The following AARSD1 variants were observed in gnomAD, a reference collection of about 807,000 sequenced individuals.
AARSD1 encodes the protein alanyl-tRNA synthetase domain containing 1.
A neutral mutation model predicts 48.7 loss-of-function variants in AARSD1; 44 were observed. The observed-to-expected ratio is 0.90, with a 90% CI of 0.71 to 1.16. AARSD1 has a LOEUF of 1.16. Ranked by LOEUF, AARSD1 falls within the 50% of genes most tolerant of loss-of-function variation. The probability of loss-of-function intolerance (pLI) is 0.00; values close to 1 mark genes in which losing one functional copy is unlikely to be tolerated. For missense variants in AARSD1, 511 were observed against 523.1 expected (o/e 0.98, Z 0.23); for synonymous variants, 189 against 194.9 (o/e 0.97, Z 0.25).
Position 42,951,860 on chromosome 17 carries a change from T to TTC in AARSD1, c.1041_1042dup (p.Lys348ArgfsTer45), listed in dbSNP as rs1350270839. 1 of 1,614,024 alleles carries TTC rather than the reference T, an allele frequency of 6.2e-7. No homozygotes were observed. The highest frequency in any genetic ancestry group is 1.3e-5 in the African/African-American group (1 of 74,924). ...TGCCAGTAAGAAGAGTCCACCACCT[T>TTC]TCTCATCGCCCACAGTTAAGAACAG... On this transcript the variant is annotated frameshift_variant, in exon 11 of 12. Transcript: ENST00000427569. LOFTEE classifies it high-confidence loss of function.
intron 2 of AARSD1, 63 bp downstream of exon 2, chr17:42,964,043 G>T: frequency 6.2e-7 from 1 of 1,605,570 alleles, no homozygotes; most frequent in Admixed American, 1.7e-5. Context: ...AAAGGGGCAG[G>T]AGAGCATTTC....
intron 6 of AARSD1, 98 bp from the exon 7 acceptor site, chr17:42,956,070 C>T (rs2049546221): frequency 1.9e-6 from 3 of 1,609,554 alleles, no homozygotes; most frequent in African/African-American, 1.3e-5. Flanking sequence ...CTATCTGTTC[C>T]TCAGCTCTGA....
At chr17:42,952,008 G>C (rs2049486492) in intron 10 of AARSD1, 114 bp from the exon 11 acceptor site, 1 of 1,210,844 alleles carries the variant, frequency 8.3e-7, no homozygotes, top group African/African-American at 1.5e-5. Flanking sequence ...AAACCACCAA[G>C]TGACGCTCCT....
rs148807694 is a variant in AARSD1 at position 42,963,501 on chromosome 17, T to C, written c.171+605A>G. ...TTATCCTCCTCTTCCATCTTCACAA[T>C]GTACCTCACTTGCGCTCATGTTGTA... On this transcript the variant is annotated intron_variant, in intron 2 of 11. Coordinates refer to ENST00000427569, the MANE Select transcript of AARSD1 (RefSeq NM_001261434.2). Among the ~76,000 whole-genome samples the C allele has an allele frequency of 3.9e-5, 6 of 152,214 alleles. No homozygotes were observed. The South Asian group carries it at 8.3e-4, about 21-fold the overall frequency.
intron 4 of AARSD1, 77 bp from the exon 5 acceptor site, chr17:42,956,637 G>A (rs2151941351): frequency 1.4e-6 from 1 of 713,400 alleles, no homozygotes. Context: ...TCTAAAAACT[G>A]GAACAAGCAT....
rs540158094 is a variant in AARSD1, at chr17:42,963,410, AAAAG to A, written c.171+692_171+695del. ...AGCGAGAGATTCTGTCTCAAAAAAA[AAAAG>A]AAAGAAAGAAAGAAAAGAAAAGAAA... On this transcript the variant is annotated intron_variant, in intron 2 of 11. Transcript: ENST00000427569. Among the ~76,000 whole-genome samples the A allele has an allele frequency of 8.9e-3, 1,358 of 151,826 alleles. 6 individuals are homozygous for A. Among genetic ancestry groups the A allele is most frequent in the Non-Finnish European group, 0.015 (1,000 of 67,930 alleles).
rs138537947 is a variant in AARSD1, at chr17:42,955,757, G to C, written c.794+85C>G. Reference sequence around the variant, plus strand: ...CGCCTGGCCGCACTTTATCATTTACGATTGCATCTTATCTCCCAGAGGTAA... The same window carrying C: ...CGCCTGGCCGCACTTTATCATTTACCATTGCATCTTATCTCCCAGAGGTAA... On this transcript the variant is annotated intron_variant, in intron 7 of 11. Coordinates refer to ENST00000427569, the MANE Select transcript of AARSD1 (RefSeq NM_001261434.2). 151 of 1,584,902 alleles carry C rather than the reference G, an allele frequency of 9.5e-5. 4 individuals are homozygous for C. The African/African-American group carries it at 1.6e-3, about 17-fold the overall frequency.
chr17:42,956,685 T>TTTTTTTTTAGG, intron 4 of AARSD1, 125 bp from the exon 5 acceptor site: 1 of 1,255,740 alleles, frequency 8.0e-7, no homozygotes, highest in South Asian at 1.7e-5. Flanking sequence ...TTTTTTTTTT[T>TTTTTTTTTAGG]GAGACGGAGT....
At chr17:42,953,038 G>A (rs1369231106) in intron 10 of AARSD1, among the ~76,000 whole-genome samples, 1 of 152,116 alleles carries the variant, frequency 6.6e-6, no homozygotes, top group African/African-American at 2.4e-5. Flanking sequence ...AGAGTGCTGT[G>A]GCACAATCTC....
Position 42,961,232 on chromosome 17 carries a change from T to C in AARSD1, c.291A>G (p.Val97=). The C allele has an allele frequency of 6.2e-7, 1 of 1,613,844 alleles. No individual in the cohort carries two copies. Among genetic ancestry groups the C allele is most frequent in the Non-Finnish European group, 8.5e-7 (1 of 1,179,880 alleles). The change falls in exon 3 of 12, where the codon GTA becomes GTG. Residue 97 remains valine (V), a synonymous_variant. Transcript: ENST00000427569. ...TGTGGTCAAACCTCCGCTCCCAATC[T>C]ACCCGGACCAGAACCTGGCTTCCTG... The part of the protein sequence containing the change: ...LDPGSQVLVR[V]DWERRFDHMQ...
intron 9 of AARSD1, 159 bp from the exon 10 acceptor site, chr17:42,953,937 C>T (rs2049512287): frequency 1.2e-6 from 1 of 847,538 alleles, no homozygotes; most frequent in Non-Finnish European, 1.9e-6. Context: ...AGCCAGCAAG[C>T]TGCCCTTCTC....
At position 42,963,979 on chromosome 17, in the gene AARSD1, G is replaced by T. The variant is rs2049675113; in HGVS notation, c.171+127C>A. The T allele has an allele frequency of 2.0e-6, 3 of 1,484,180 alleles. No homozygotes were observed. In the South Asian group the frequency reaches 4.0e-5, roughly 20 times the overall value. 91.9% of individuals were successfully genotyped at this position (1,484,180 alleles called of 1,614,324 possible). A position where few individuals can be genotyped will look rare whatever the true frequency, so the allele number is the denominator to read the frequency against. On this transcript the variant is annotated intron_variant, in intron 2 of 11. Transcript: ENST00000427569. ...AATTGCTGATAAATACTCATTAAATGAATAACAAAATGAATTAAACTAAAG... is the reference window on the plus strand; with the variant it reads ...AATTGCTGATAAATACTCATTAAATTAATAACAAAATGAATTAAACTAAAG...
At chr17:42,954,535 A>G (rs571421328) in intron 9 of AARSD1, among the ~76,000 whole-genome samples, 13 of 151,994 alleles carry the variant, frequency 8.6e-5, no homozygotes, top group African/African-American at 2.2e-4. Flanking sequence ...CCCGGGTTCA[A>G]GTGATTCTCC....
At chr17:42,959,722 G>A (rs1329250927) in intron 3 of AARSD1, among the ~76,000 whole-genome samples, 2 of 151,124 alleles carry the variant, frequency 1.3e-5, no homozygotes, top group Non-Finnish European at 2.9e-5. Context: ...GGAGTGCAGT[G>A]GCGCGATCTC....
chr17:42,960,612 CT>C (rs1360804143), intron 3 of AARSD1, among the ~76,000 whole-genome samples: 5 of 151,294 alleles, frequency 3.3e-5, no homozygotes, highest in African/African-American at 1.2e-4. Flanking sequence ...ATCCCAGCTA[CT>C]CGGGAGGCTG....
intron 9 of AARSD1, 76 bp downstream of exon 9, chr17:42,954,800 A>C: frequency 6.7e-7 from 1 of 1,490,528 alleles, no homozygotes; most frequent in East Asian, 2.3e-5. Context: ...CCCACTGTAC[A>C]TTGCATATAG....
rs1276661746 is a variant in AARSD1 at position 42,964,172 on chromosome 17, T to C, written c.105A>G (p.Lys35=). Residue 35 remains lysine (K), a synonymous_variant, in exon 2 of 12, where the codon AAA becomes AAG. Coordinates refer to ENST00000427569, the MANE Select transcript of AARSD1 (RefSeq NM_001261434.2). The stretch of plus-strand genomic sequence containing the variant: ...CCACTTGGAAACCGCTCAGCACTTC[T>C]TTCTTGCCGTTGCTCCCTTCAGTCT... ...ELQTEGSNGK[K]EVLSGFQVVL... is the part of the protein sequence containing the mutation. The C allele has an allele frequency of 1.9e-6, 3 of 1,614,246 alleles. No individual in the cohort carries two copies. The highest frequency in any genetic ancestry group is 2.2e-5 in the East Asian group (1 of 44,890).
Position 42,955,965 on chromosome 17 carries a change from T to G in AARSD1, c.671A>C (p.Lys224Thr), listed in dbSNP as rs748491468. Reference protein sequence around the residue: ...VSNLSDLQVIKILGTEKGKKN... With the variant: ...VSNLSDLQVITILGTEKGKKN... ...TTTCCCCTTCTCAGTGCCCAGAATC[T>G]TAATGACCTACATGAGGCAAGGGGG... The change falls in exon 7 of 12, where the codon AAG becomes ACG. Residue 224 changes from lysine to threonine, a missense_variant. Lys to Thr is a moderately conservative substitution (Grantham distance 78). Transcript: ENST00000427569. The G allele has an allele frequency of 5.0e-6, 8 of 1,614,006 alleles. No individual in the cohort carries two copies. Among genetic ancestry groups the G allele is most frequent in the Non-Finnish European group, 6.8e-6 (8 of 1,180,028 alleles).
At chr17:42,959,454 G>A (rs188050262) in intron 3 of AARSD1, among the ~76,000 whole-genome samples, 4 of 151,556 alleles carry the variant, frequency 2.6e-5, no homozygotes, top group Admixed American at 6.6e-5. Context: ...GGCCTCAAAT[G>A]CCTGACCTCA....
Sources: allele counts gnomAD v4.1 joint callset (sites outside exome capture counted in the v4.1 genomes callset), GRCh38; gene constraint gnomAD v4.1.1; transcripts MANE v1.5; gene names NCBI Gene and HGNC (gene_info 2026-07-23, HGNC 2026-07-21).